The following KAZN variants were observed in gnomAD, a reference collection of about 807,000 sequenced individuals.
The protein encoded by KAZN is kazrin.
In KAZN, 40 loss-of-function variants were observed where a neutral mutation model predicts 87.4. The observed-to-expected ratio is 0.46, with a 90% CI of 0.36 to 0.60. The LOEUF (loss-of-function observed/expected upper bound fraction) is 0.60, where lower values mean the gene tolerates loss of function less well. Among genes scored for constraint, KAZN ranks in the 20% least tolerant of loss-of-function variants. The probability of loss-of-function intolerance (pLI) is 0.00; values close to 1 mark genes in which losing one functional copy is unlikely to be tolerated. For missense variants in KAZN, 898 were observed against 1,073.9 expected, an observed-to-expected ratio of 0.84 and a Z score of 2.29; for synonymous variants, 466 against 458.3, an observed-to-expected ratio of 1.02 and a Z score of -0.22.
chr1:14,829,674 G>T (rs1457854196), intron 1 of KAZN, among the ~76,000 whole-genome samples: 1 of 152,238 alleles, frequency 6.6e-6, no homozygotes, highest in Non-Finnish European at 1.5e-5. Flanking sequence ...GACTGGAGGA[G>T]AGACGACTGT....
At chr1:14,127,459 T>C (rs1644898719) in intron 1 of KAZN, among the ~76,000 whole-genome samples, 1 of 148,912 alleles carries the variant, frequency 6.7e-6, no homozygotes, top group African/African-American at 2.5e-5. Context: ...AAGGTTCACC[T>C]AACACTGGAG....
intron 1 of KAZN, among the ~76,000 whole-genome samples, chr1:14,712,060 G>A (rs1362561344): frequency 6.6e-6 from 1 of 152,212 alleles, no homozygotes; most frequent in Non-Finnish European, 1.5e-5. Flanking sequence ...CGAGCAAGGG[G>A]AAGAAGAGTA....
intron 2 of KAZN, among the ~76,000 whole-genome samples, chr1:15,034,030 G>A (rs535479265): frequency 3.3e-5 from 5 of 152,250 alleles, no homozygotes; most frequent in South Asian, 4.2e-4. Flanking sequence ...ATAAGCCACC[G>A]CACCTGACTT....
At chr1:14,129,866 T>C (rs1039501723) in intron 1 of KAZN, among the ~76,000 whole-genome samples, 2 of 152,340 alleles carry the variant, frequency 1.3e-5, no homozygotes, top group South Asian at 2.1e-4. Flanking sequence ...AAGGAAATCA[T>C]TTCACGATTC....
At chr1:14,679,051 G>A (rs1640412227) in intron 1 of KAZN, among the ~76,000 whole-genome samples, 1 of 152,194 alleles carries the variant, frequency 6.6e-6, no homozygotes, top group Non-Finnish European at 1.5e-5. Context: ...AGCCTACTAT[G>A]TGCCAGACAC....
At chr1:14,438,135 C>T (rs538806395) in intron 2 of KAZN, among the ~76,000 whole-genome samples, 1 of 151,718 alleles carries the variant, frequency 6.6e-6, no homozygotes, top group African/African-American at 2.4e-5. Flanking sequence ...ACCACGTGCC[C>T]TGCTTCTCTG....
chr1:14,903,877 C>T (rs1656202543), intron 1 of KAZN, among the ~76,000 whole-genome samples: 2 of 152,188 alleles, frequency 1.3e-5, no homozygotes, highest in Admixed American at 1.3e-4. Flanking sequence ...TATAAGGGAG[C>T]AGCATGATTG....
At chr1:14,036,388 C>T (rs1309393217) in intron 1 of KAZN, among the ~76,000 whole-genome samples, 4 of 152,210 alleles carry the variant, frequency 2.6e-5, no homozygotes, top group African/African-American at 9.7e-5. Context: ...TCTTCATGTT[C>T]TGCACAGGCC....
At chr1:14,369,859 T>A (rs892900416) in intron 2 of KAZN, among the ~76,000 whole-genome samples, 7 of 152,218 alleles carry the variant, frequency 4.6e-5, no homozygotes, top group Non-Finnish European at 1.0e-4. Context: ...TACAGTAATT[T>A]GTGTTTTCAT....
chr1:14,075,636 A>C (rs1438596324), intron 1 of KAZN, among the ~76,000 whole-genome samples: 1 of 152,224 alleles, frequency 6.6e-6, no homozygotes, highest in Non-Finnish European at 1.5e-5. Flanking sequence ...GCTCAGAACA[A>C]AAACGCAGTT....
intron 2 of KAZN, among the ~76,000 whole-genome samples, chr1:15,013,105 C>A (rs1326946008): frequency 6.6e-6 from 1 of 152,160 alleles, no homozygotes; most frequent in Non-Finnish European, 1.5e-5. Flanking sequence ...CGCCAGGTTT[C>A]CACAGGTGTC....
intron 2 of KAZN, among the ~76,000 whole-genome samples, chr1:14,978,291 A>G (rs1665872700): frequency 6.6e-6 from 1 of 152,160 alleles, no homozygotes; most frequent in Admixed American, 6.5e-5. Context: ...AAGACAGTGG[A>G]TGTGGTTTGG....
At chr1:14,078,135 C>T (rs1643532170) in intron 1 of KAZN, among the ~76,000 whole-genome samples, 1 of 152,148 alleles carries the variant, frequency 6.6e-6, no homozygotes. Flanking sequence ...TTTTACTTCT[C>T]CATGTGGTTT....
Position 13,972,057 on chromosome 1 carries a change from G to A in KAZN, c.91+78301G>A, listed in dbSNP as rs1642156156. 2.0e-5 allele frequency among the ~76,000 whole-genome samples: 3 copies of A among 152,112 alleles called. 1 individual carries two copies. The South Asian group carries it at 6.2e-4, about 32-fold the overall frequency. ...CATTTCTTTATATTAATGTTTGAAT[G>A]GACTAATACACATGACTTCCAAACA... On this transcript the variant is annotated intron_variant, in intron 1 of 16. Coordinates refer to the KAZN transcript ENST00000636203.
intron 2 of KAZN, among the ~76,000 whole-genome samples, chr1:15,034,250 T>C (rs1382760319): frequency 6.6e-6 from 1 of 152,276 alleles, no homozygotes; most frequent in African/African-American, 2.4e-5. Context: ...TTTGTTGCTC[T>C]ACACTTTTGG....
At chr1:14,895,087 A>T (rs574772567) in intron 1 of KAZN, among the ~76,000 whole-genome samples, 5 of 152,338 alleles carry the variant, frequency 3.3e-5, no homozygotes, top group Admixed American at 3.3e-4. Flanking sequence ...ACTGAGTAGG[A>T]AGTGCCTATA....
intron 2 of KAZN, among the ~76,000 whole-genome samples, chr1:14,501,079 A>C (rs1181085372): frequency 1.7e-5 from 2 of 114,498 alleles, no homozygotes; most frequent in Non-Finnish European, 3.5e-5. Context: ...AGCATCTGCA[A>C]AAAATAAATA....
At chr1:14,333,844 C>T (rs1657024696) in intron 2 of KAZN, among the ~76,000 whole-genome samples, 1 of 152,062 alleles carries the variant, frequency 6.6e-6, no homozygotes, top group African/African-American at 2.4e-5. Context: ...AGTTTTCCAG[C>T]AATGAGCAAA....
At chr1:13,934,562 T>C (rs1431288375) in intron 1 of KAZN, among the ~76,000 whole-genome samples, 1 of 152,202 alleles carries the variant, frequency 6.6e-6, no homozygotes, top group African/African-American at 2.4e-5. Context: ...AGGTTCTCTC[T>C]CTCCAAATCC....
Sources: gnomAD v4.1 joint callset for allele counts (sites outside exome capture counted in the v4.1 genomes callset) on GRCh38, gnomAD v4.1.1 for gene constraint, MANE v1.5 for transcripts, NCBI Gene and HGNC (gene_info 2026-07-23, HGNC 2026-07-21) for gene names.